ANKFN1: variants seen among roughly 807,000 people sequenced by gnomAD.
ANKFN1 encodes the protein ankyrin repeat and fibronectin type III domain containing 1, also known as ankyrin repeat and fibronectin type-III domain-containing protein 1.
In ANKFN1, 74 loss-of-function variants were observed where a neutral mutation model predicts 108.7. That is an observed-to-expected ratio of 0.68 (90% CI 0.56 to 0.83). The LOEUF is 0.83. Among genes scored for constraint, ANKFN1 ranks in the 40% least tolerant of loss-of-function variants. The probability of loss-of-function intolerance (pLI) is 0.00; values close to 1 mark genes in which losing one functional copy is unlikely to be tolerated. For missense variants in ANKFN1, 1,505 were observed against 1,382.3 expected (o/e 1.09, Z -1.41); for synonymous variants, 547 against 516.2 (o/e 1.06, Z -0.81).
At chr17:56,355,224 G>A (rs776215348) in intron 6 of ANKFN1, among the ~76,000 whole-genome samples, 6 of 152,102 alleles carry the variant, frequency 3.9e-5, no homozygotes, top group Non-Finnish European at 8.8e-5. Context: ...ATAAATATGG[G>A]CAGTTACAAT....
intron 3 of ANKFN1, among the ~76,000 whole-genome samples, chr17:56,237,403 AT>A (rs1378443937): frequency 4.6e-5 from 7 of 152,170 alleles, no homozygotes; most frequent in African/African-American, 1.7e-4. Flanking sequence ...CTGTGAATTC[AT>A]CTAGTCCTGC....
chr17:56,290,749 G>A (rs1406180026), intron 3 of ANKFN1, among the ~76,000 whole-genome samples: 2 of 152,236 alleles, frequency 1.3e-5, no homozygotes, highest in East Asian at 1.9e-4. Flanking sequence ...AATTTCATTA[G>A]CCACTGTACC....
chr17:56,508,865 C>T (rs2051654960), intron 20 of ANKFN1, among the ~76,000 whole-genome samples: 1 of 152,166 alleles, frequency 6.6e-6, no homozygotes, highest in African/African-American at 2.4e-5. Flanking sequence ...TCCACTCAAG[C>T]ACCAAGTACA....
chr17:56,276,612 G>A (rs547629358), intron 3 of ANKFN1, among the ~76,000 whole-genome samples: 16 of 152,296 alleles, frequency 1.1e-4, no homozygotes, highest in East Asian at 3.9e-4. Flanking sequence ...GTGATGGTGA[G>A]CATTTTTTCA....
intron 12 of ANKFN1, 83 bp downstream of exon 12, chr17:56,457,043 A>G (rs893251812): frequency 7.4e-7 from 1 of 1,346,566 alleles, no homozygotes; most frequent in Non-Finnish European, 1.0e-6. Flanking sequence ...CTTGGTAGAA[A>G]TTTTTTTGTG....
rs1410271409 is a variant in ANKFN1, at chr17:56,517,003, A to G, written c.*5734A>G. 1.3e-5 allele frequency among the ~76,000 whole-genome samples: 2 copies of G among 152,204 alleles called. No homozygotes were observed. The highest frequency in any genetic ancestry group is 2.9e-5 in the Non-Finnish European group (2 of 68,044). ...AAAAATGTTGATTCAATAATAAACA[A>G]ATAGAATTCTTAATACTTGGCTTAC... is the stretch of plus-strand genomic sequence containing the variant. On this transcript the variant is annotated 3_prime_UTR_variant, in exon 21 of 21. Coordinates refer to ENST00000682825, the MANE Select transcript of ANKFN1 (RefSeq NM_001370326.1).
chr17:56,195,029 A>T (rs1218975263), intron 1 of ANKFN1, among the ~76,000 whole-genome samples: 2 of 152,188 alleles, frequency 1.3e-5, no homozygotes, highest in Non-Finnish European at 2.9e-5. Flanking sequence ...GAAGAAACAG[A>T]AGACACCTTA....
At chr17:56,288,105 C>G (rs1235280938) in intron 3 of ANKFN1, among the ~76,000 whole-genome samples, 2 of 151,868 alleles carry the variant, frequency 1.3e-5, no homozygotes, top group Non-Finnish European at 2.9e-5. Flanking sequence ...AATTTTTCCA[C>G]AATGCACAAT....
chr17:56,100,381 A>T lies in ANKFN1; in HGVS notation c.288+54056A>T, dbSNP rs911214164. On this transcript the variant is annotated intron_variant, in intron 4 of 12. Transcript: ENST00000635860. Reference sequence around the variant, plus strand: ...TGATGAAATGGAGCCAGTGAGCATAACCTATGGATCCCTGTTGTGTTTGGA... The same window carrying T: ...TGATGAAATGGAGCCAGTGAGCATATCCTATGGATCCCTGTTGTGTTTGGA... Among the ~76,000 whole-genome samples, 6 of 152,180 alleles carry T rather than the reference A, an allele frequency of 3.9e-5. No individual in the cohort carries two copies. The East Asian group carries it at 1.2e-3, about 29-fold the overall frequency.
chr17:56,110,115 A>T (rs1272426310), intron 4 of ANKFN1, among the ~76,000 whole-genome samples: 1 of 152,220 alleles, frequency 6.6e-6, no homozygotes, highest in Non-Finnish European at 1.5e-5. Context: ...TTTAACAACA[A>T]CAGCATCAAC....
At chr17:56,382,668 G>A (rs993351012) in intron 8 of ANKFN1, among the ~76,000 whole-genome samples, 23 of 152,098 alleles carry the variant, frequency 1.5e-4, no homozygotes, top group East Asian at 3.9e-4. Context: ...AAAAAGGCAG[G>A]TGTTGCAATC....
At chr17:56,229,755 A>AT (rs982897031) in intron 3 of ANKFN1, among the ~76,000 whole-genome samples, 12 of 141,428 alleles carry the variant, frequency 8.5e-5, no homozygotes, top group Non-Finnish European at 1.2e-4. Flanking sequence ...TTCTTTTCAC[A>AT]TTTTTTTTTT....
At chr17:56,076,033 G>A (rs1905177265) in intron 4 of ANKFN1, among the ~76,000 whole-genome samples, 1 of 152,130 alleles carries the variant, frequency 6.6e-6, no homozygotes, top group African/African-American at 2.4e-5. Flanking sequence ...AATTGCTCTG[G>A]CATCTCTACC....
At chr17:56,101,994 A>G (rs1338362247) in intron 4 of ANKFN1, among the ~76,000 whole-genome samples, 2 of 152,218 alleles carry the variant, frequency 1.3e-5, no homozygotes, top group Admixed American at 6.5e-5. Flanking sequence ...CAAAGATTCC[A>G]TTCCTGTTTC....
At chr17:56,417,858 T>C (rs1317498155) in intron 8 of ANKFN1, among the ~76,000 whole-genome samples, 1 of 152,224 alleles carries the variant, frequency 6.6e-6, no homozygotes, top group African/African-American at 2.4e-5. Context: ...GAAGTCCACC[T>C]TCTTTTCTTT....
Position 56,071,651 on chromosome 17 carries a change from AGGATAT to A in ANKFN1, c.288+25327_288+25332del, listed in dbSNP as rs1905122593. Among the ~76,000 whole-genome samples, 19 of 152,330 alleles carry A rather than the reference AGGATAT, an allele frequency of 1.2e-4. No individual in the cohort carries two copies. The South Asian group carries it at 3.9e-3, about 32-fold the overall frequency. ...TTGTTTGTTTGTTTGTTTTTATAAA[AGGATAT>A]CTATTACAACAAAAACATTATATCC... On this transcript the variant is annotated intron_variant, in intron 4 of 12. Transcript: ENST00000635860.
intron 4 of ANKFN1, among the ~76,000 whole-genome samples, chr17:56,068,597 AG>A (rs1300572195): frequency 1.2e-4 from 18 of 152,328 alleles, no homozygotes; most frequent in African/African-American, 4.3e-4. Context: ...AAAGATTTAG[AG>A]GGCAAGCAGA....
chr17:56,113,446 A>T (rs1249795637), intron 4 of ANKFN1, among the ~76,000 whole-genome samples: 2 of 152,200 alleles, frequency 1.3e-5, no homozygotes, highest in Non-Finnish European at 2.9e-5. Context: ...AAGATAAAAG[A>T]ATGGAAAGGG....
intron 3 of ANKFN1, among the ~76,000 whole-genome samples, chr17:56,289,730 G>A (rs778458560): frequency 2.0e-4 from 31 of 152,310 alleles, no homozygotes; most frequent in Admixed American, 3.9e-4. Flanking sequence ...CATTGGCCCC[G>A]TTGTAATGTG....
Sources: allele counts gnomAD v4.1 joint callset (sites outside exome capture counted in the v4.1 genomes callset), GRCh38; gene constraint gnomAD v4.1.1; transcripts MANE v1.5; gene names NCBI Gene and HGNC (gene_info 2026-07-23, HGNC 2026-07-21).